Variants in MTUS1 observed in about 807,000 individuals in gnomAD.
MTUS1 encodes the protein microtubule-associated tumor suppressor 1.
MTUS1 carries 109 observed loss-of-function variants against 120.8 expected under a neutral mutation model. The observed-to-expected ratio is 0.90, with a 90% CI of 0.77 to 1.06. The LOEUF (loss-of-function observed/expected upper bound fraction) is 1.06, where lower values mean the gene tolerates loss of function less well. Ranked by LOEUF, MTUS1 falls within the 50% of genes least tolerant of loss-of-function variation. The probability of loss-of-function intolerance (pLI) is 0.00; values close to 1 mark genes in which losing one functional copy is unlikely to be tolerated. For synonymous variants in MTUS1, 737 were observed against 550.5 expected (o/e 1.34, Z -4.74); for missense variants, 2,210 against 1,486.3 (o/e 1.49, Z -8.01).
At chr8:17,757,085 C>T (rs796829037) in intron 1 of MTUS1, among the ~76,000 whole-genome samples, 56 of 152,252 alleles carry the variant, frequency 3.7e-4, no homozygotes, top group African/African-American at 1.3e-3. Context: ...GGAACTTGCA[C>T]ACAAATGTAC....
intron 6 of MTUS1, among the ~76,000 whole-genome samples, chr8:17,703,548 G>C (rs146110240): frequency 0.043 from 6,398 of 150,370 alleles, 160 homozygotes; most frequent in Middle Eastern, 0.065. Context: ...AGAATGGCGT[G>C]AACCTGGGAG....
chr8:17,650,436 G>C (rs1806736902), intron 12 of MTUS1, among the ~76,000 whole-genome samples: 1 of 152,108 alleles, frequency 6.6e-6, no homozygotes, highest in Non-Finnish European at 1.5e-5. Flanking sequence ...TGTTATGATG[G>C]GGCTACGTTG....
At chr8:17,672,589 T>A (rs1563174762) in intron 8 of MTUS1, among the ~76,000 whole-genome samples, 1 of 152,136 alleles carries the variant, frequency 6.6e-6, no homozygotes, top group Non-Finnish European at 1.5e-5. Flanking sequence ...GACCGCTTCA[T>A]CACAAGTGTT....
Position 17,645,831 on chromosome 8 carries a change from C to CTGAT in MTUS1, c.*91_*94dup. The CTGAT allele has an allele frequency of 6.8e-7, 1 of 1,476,280 alleles. No homozygotes were observed. The allele number at this position is 1,476,280 out of a possible 1,614,324, so 91.4% of individuals were successfully genotyped here. On this transcript the variant is annotated 3_prime_UTR_variant, in exon 15 of 15. Transcript: ENST00000693296. ...TTACCCTACGGTGATCACACGTGTGCTGATATACCTCTTGTGCCCACGTTC... is the reference window on the plus strand; with the variant it reads ...TTACCCTACGGTGATCACACGTGTGCTGATTGATATACCTCTTGTGCCCACGTTC...
chr8:17,758,914 C>T (rs1242845011), intron 1 of MTUS1, among the ~76,000 whole-genome samples: 1 of 152,218 alleles, frequency 6.6e-6, no homozygotes, highest in African/African-American at 2.4e-5. Context: ...CGGAGTCTGG[C>T]ACTGTCGCCC....
At position 17,699,202 on chromosome 8, in the gene MTUS1, T is replaced by C. The variant is rs142845277; in HGVS notation, c.2623+14012A>G. ...TTCTTCAGTAACAGCAAATTCTAAATTATCCTTTTTTGTTTGTTTTTGTTT... is the reference window on the plus strand; with the variant it reads ...TTCTTCAGTAACAGCAAATTCTAAACTATCCTTTTTTGTTTGTTTTTGTTT... On this transcript the variant is annotated intron_variant, in intron 6 of 14. Transcript: ENST00000693296. Among the ~76,000 whole-genome samples the C allele has an allele frequency of 4.9e-4, 75 of 152,240 alleles. No homozygotes were observed. In the East Asian group the frequency reaches 0.013, roughly 26 times the overall value.
chr8:17,775,555 A>C (rs1405059087), intron 1 of MTUS1, among the ~76,000 whole-genome samples: 2 of 152,236 alleles, frequency 1.3e-5, no homozygotes, highest in East Asian at 3.8e-4. Flanking sequence ...CATATGAACA[A>C]GTTTCCTAAG....
chr8:17,691,218 G>C (rs1456284691), intron 6 of MTUS1: 1 of 152,182 alleles, frequency 6.6e-6, no homozygotes, highest in East Asian at 1.9e-4. Flanking sequence ...ATTTAGTGTA[G>C]TAAAACTCTA....
intron 1 of MTUS1, among the ~76,000 whole-genome samples, chr8:17,771,152 T>A (rs1221015473): frequency 2.0e-5 from 3 of 152,160 alleles, no homozygotes; most frequent in Admixed American, 6.6e-5. Context: ...TCCTTTAAAC[T>A]TAGGAACTTC....
In MTUS1 at chr8:17,645,718, T is replaced by C. The variant is rs1286679678; in HGVS notation, c.*208A>G. 1.8e-6 allele frequency: 1 copy of C among 561,700 alleles called. No homozygotes were observed. The highest frequency in any genetic ancestry group is 1.9e-5 in the African/African-American group (1 of 52,014). 34.8% of individuals were successfully genotyped at this position (561,700 alleles called of 1,614,324 possible). On this transcript the variant is annotated 3_prime_UTR_variant, in exon 15 of 15. Coordinates refer to ENST00000693296, the MANE Select transcript of MTUS1 (RefSeq NM_001363059.2). Reference sequence around the variant, plus strand: ...GCCGAAATCTTTTTTTAAATCTTTTTTTGGAGGAATCTTTTGGACGGAGGC... The same window carrying C: ...GCCGAAATCTTTTTTTAAATCTTTTCTTGGAGGAATCTTTTGGACGGAGGC...
intron 3 of MTUS1, among the ~76,000 whole-genome samples, chr8:17,742,278 TTTTGTTGTTGTTG>T (rs1396499913): frequency 6.0e-4 from 76 of 126,008 alleles, no homozygotes; most frequent in African/African-American, 1.8e-3. Context: ...TGTTTTTTTT[TTTTGTTGTTGTTG>T]TTTTTTTTTT....
chr8:17,656,347 G>C (rs1808223628), intron 8 of MTUS1, among the ~76,000 whole-genome samples: 1 of 151,920 alleles, frequency 6.6e-6, no homozygotes, highest in Admixed American at 6.6e-5. Context: ...GGTCAACATG[G>C]TAAAACCCTG....
chr8:17,778,207 C>A (rs2050606228), intron 1 of MTUS1, among the ~76,000 whole-genome samples: 4 of 152,038 alleles, frequency 2.6e-5, no homozygotes. Context: ...GAAAGGTAAA[C>A]CATTGATACA....
At chr8:17,701,929 A>G (rs564582632) in intron 6 of MTUS1, among the ~76,000 whole-genome samples, 57 of 152,322 alleles carry the variant, frequency 3.7e-4, no homozygotes, top group African/African-American at 1.3e-3. Context: ...AGCTTAATAA[A>G]CTTATTAAAC....
In MTUS1 at chr8:17,712,686, T is replaced by C. The variant is rs944796469; in HGVS notation, c.2623+528A>G. Among the ~76,000 whole-genome samples, 10 of 152,206 alleles carry C rather than the reference T, an allele frequency of 6.6e-5. No homozygotes were observed. In the South Asian group the frequency reaches 1.2e-3, roughly 19 times the overall value. ...TCCATCCATCCATCCATCCAAAGTA[T>C]AGGAATCGCAGTGAAGATATTTTGT... On this transcript the variant is annotated intron_variant, in intron 6 of 14. Coordinates refer to ENST00000693296, the MANE Select transcript of MTUS1 (RefSeq NM_001363059.2).
intron 8 of MTUS1, among the ~76,000 whole-genome samples, chr8:17,669,968 G>A (rs1811681577): frequency 6.6e-6 from 1 of 152,240 alleles, no homozygotes; most frequent in South Asian, 2.1e-4. Context: ...TTGGGTAGCT[G>A]TTGCAGTATC....
At chr8:17,712,102 C>T (rs1009415799) in intron 6 of MTUS1, among the ~76,000 whole-genome samples, 4 of 152,138 alleles carry the variant, frequency 2.6e-5, no homozygotes, top group Non-Finnish European at 4.4e-5. Context: ...CAAAATGTAA[C>T]ACACAGACAT....
At chr8:17,651,181 G>T (rs988501718) in intron 12 of MTUS1, among the ~76,000 whole-genome samples, 1 of 151,846 alleles carries the variant, frequency 6.6e-6, no homozygotes, top group African/African-American at 2.4e-5. Flanking sequence ...AGAGGTATGC[G>T]TGTGTATGGT....
At chr8:17,657,372 T>G (rs1158288089) in intron 8 of MTUS1, among the ~76,000 whole-genome samples, 3 of 151,062 alleles carry the variant, frequency 2.0e-5, no homozygotes, top group Non-Finnish European at 4.4e-5. Context: ...ATCGAGACCA[T>G]CCCGGCTAAA....
Sources: gnomAD v4.1 joint callset for allele counts (sites outside exome capture counted in the v4.1 genomes callset) on GRCh38, gnomAD v4.1.1 for gene constraint, MANE v1.5 for transcripts, NCBI Gene and HGNC (gene_info 2026-07-23, HGNC 2026-07-21) for gene names.